Variants in RSPH9 observed in about 807,000 individuals in gnomAD.
The protein encoded by RSPH9 is radial spoke head component 9.
Under a neutral mutation model 27.0 loss-of-function variants are expected in RSPH9, and 27 were observed. The ratio of observed to expected loss-of-function variants is 1.00; its 90% CI spans 0.74 to 1.38. The LOEUF is 1.38. RSPH9 is among the 40% of genes most tolerant of loss of function. The pLI is 0.00. For synonymous variants in RSPH9, 145 were observed against 147.7 expected, an observed-to-expected ratio of 0.98 and a Z score of 0.13; for missense variants, 347 against 357.4, an observed-to-expected ratio of 0.97 and a Z score of 0.24.
chr6:43,666,738 G>C (rs547771170), intron 4 of RSPH9, among the ~76,000 whole-genome samples: 1 of 152,296 alleles, frequency 6.6e-6, no homozygotes, highest in South Asian at 2.1e-4. Flanking sequence ...TTGGGCTGCA[G>C]CCAGGTGGCA....
rs1770707685 is a variant in RSPH9, at chr6:43,645,137, G to A, written c.39G>A (p.Ala13=). 6.2e-7 allele frequency: 1 copy of A among 1,613,102 alleles called. No homozygotes were observed. The highest frequency in any genetic ancestry group is 8.5e-7 in the Non-Finnish European group (1 of 1,180,004). The change falls in exon 1 of 5, where the codon GCG becomes GCA. Residue 13 remains alanine (A), a synonymous_variant. Coordinates refer to ENST00000372163, the MANE Select transcript of RSPH9 (RefSeq NM_152732.5). Reference sequence around the variant, plus strand: ...GCCTCCTGCTGTCTCTGGAGCTGGCGTCCGGCAGTGGGCAGGGCCTCAGCC... The same window carrying A: ...GCCTCCTGCTGTCTCTGGAGCTGGCATCCGGCAGTGGGCAGGGCCTCAGCC... ...ADSLLLSLEL[A]SGSGQGLSPD... is the part of the protein sequence containing the mutation.
At position 43,672,458 on chromosome 6, in the gene RSPH9, G is replaced by T. The variant is rs1051794954; in HGVS notation, c.*1509G>T. 2 of 470,138 alleles carry T rather than the reference G, an allele frequency of 4.3e-6. No individual in the cohort carries two copies. The highest frequency in any genetic ancestry group is 3.1e-5 in the South Asian group (2 of 64,530). 29.1% of individuals were successfully genotyped at this position (470,138 alleles called of 1,614,324 possible). On this transcript the variant is annotated 3_prime_UTR_variant, in exon 5 of 5. Coordinates refer to ENST00000372163, the MANE Select transcript of RSPH9 (RefSeq NM_152732.5). The stretch of plus-strand genomic sequence containing the variant: ...CTAGGAAGGTTCCTGTAAATAGGAG[G>T]GGGGTGGGGAAAGATGGCTGCCGCC...
intron 2 of RSPH9, among the ~76,000 whole-genome samples, chr6:43,651,427 TAATA>T (rs1459081287): frequency 6.6e-6 from 1 of 152,286 alleles, no homozygotes; most frequent in Admixed American, 6.5e-5. Flanking sequence ...TTTCACAAAA[TAATA>T]AATCCGCATG....
intron 4 of RSPH9, among the ~76,000 whole-genome samples, chr6:43,659,531 C>G (rs1294581608): frequency 6.7e-6 from 1 of 148,724 alleles, no homozygotes; most frequent in East Asian, 2.0e-4. Context: ...TACAGGCGCC[C>G]GCCGCCACGG....
Position 43,672,002 on chromosome 6 carries a change from G to T in RSPH9, c.*1053G>T. ...TACCTCCTCAGGCCAGGCCACGGTT[G>T]GGCAAGCAAATCCTTTCACCAGTTT... is the stretch of plus-strand genomic sequence containing the variant. On this transcript the variant is annotated 3_prime_UTR_variant, in exon 5 of 5. Coordinates refer to ENST00000372163, the MANE Select transcript of RSPH9 (RefSeq NM_152732.5). The T allele has an allele frequency of 2.9e-6, 4 of 1,371,120 alleles. No homozygotes were observed. The highest frequency in any genetic ancestry group is 3.9e-6 in the Non-Finnish European group (4 of 1,030,162). The allele number at this position is 1,371,120 out of a possible 1,614,324, so 84.9% of individuals were successfully genotyped here. A position where few individuals can be genotyped will look rare whatever the true frequency, so the allele number is the denominator to read the frequency against.
At chr6:43,645,456 G>A (rs1250748271) in intron 1 of RSPH9, 131 bp downstream of exon 1, 3 of 811,976 alleles carry the variant, frequency 3.7e-6, no homozygotes, top group African/African-American at 1.7e-5. Context: ...TCTGAGATGA[G>A]TGGAATGGGG....
Position 43,671,921 on chromosome 6 carries a change from CAA to C in RSPH9, c.*974_*975del. 5.7e-6 allele frequency: 9 copies of C among 1,583,694 alleles called. No homozygotes were observed. Among genetic ancestry groups the C allele is most frequent in the Non-Finnish European group, 6.9e-6 (8 of 1,163,874 alleles). ...GCGTCAGGTACCTGTGGAGGGAGAA[CAA>C]AGAGGTGCCTGTGAGGGCTGGGGGC... On this transcript the variant is annotated 3_prime_UTR_variant, in exon 5 of 5. Transcript: ENST00000372163.
At chr6:43,645,391 G>GGGGGGGGGGGGGGGGGGCC in intron 1 of RSPH9, 66 bp downstream of exon 1, 1 of 400,202 alleles carries the variant, frequency 2.5e-6, no homozygotes, top group Non-Finnish European at 5.0e-6. Flanking sequence ...GGGTGGGCGG[G>GGGGGGGGGGGGGGGGGGCC]TCGCAGCAAT....
At position 43,671,716 on chromosome 6, in the gene RSPH9, C is replaced by T; in HGVS notation, c.*767C>T. The T allele has an allele frequency of 6.2e-7, 1 of 1,611,910 alleles. No individual in the cohort carries two copies. The highest frequency in any genetic ancestry group is 8.5e-7 in the Non-Finnish European group (1 of 1,178,418). ...CAAGGGCTTGTGAGTGGGCCTCCTA[C>T]TCCCCAGCACAGGTGCAGGAGGAAC... On this transcript the variant is annotated 3_prime_UTR_variant, in exon 5 of 5. Coordinates refer to ENST00000372163, the MANE Select transcript of RSPH9 (RefSeq NM_152732.5).
chr6:43,665,823 CTTTT>C (rs529992310), intron 4 of RSPH9, among the ~76,000 whole-genome samples: 5 of 148,564 alleles, frequency 3.4e-5, no homozygotes, highest in Admixed American at 1.3e-4. Context: ...TTCTTTCTTT[CTTTT>C]TTTTTTAATT....
intron 4 of RSPH9, among the ~76,000 whole-genome samples, chr6:43,665,003 T>A (rs1213822619): frequency 6.6e-6 from 1 of 152,212 alleles, no homozygotes; most frequent in Non-Finnish European, 1.5e-5. Context: ...ATTCAGGGTG[T>A]GTCTGGCAAG....
Position 43,671,537 on chromosome 6 carries a change from C to T in RSPH9, c.*588C>T. On this transcript the variant is annotated 3_prime_UTR_variant, in exon 5 of 5. Coordinates refer to ENST00000372163, the MANE Select transcript of RSPH9 (RefSeq NM_152732.5). The stretch of plus-strand genomic sequence containing the variant: ...GAGCATGGCCTAAGCCCCATAGCAG[C>T]TGGCAAGGGACCCAACTGCCCTGCC... The T allele has an allele frequency of 1.7e-6, 1 of 587,084 alleles. No individual in the cohort carries two copies. The highest frequency in any genetic ancestry group is 2.0e-5 in the South Asian group (1 of 50,424). The allele number at this position is 587,084 out of a possible 1,614,324, so 36.4% of individuals were successfully genotyped here.
At chr6:43,669,342 T>A (rs1385983260) in intron 4 of RSPH9, among the ~76,000 whole-genome samples, 1 of 152,208 alleles carries the variant, frequency 6.6e-6, no homozygotes, top group Non-Finnish European at 1.5e-5. Flanking sequence ...CAGAAAACTT[T>A]GGTTTTGACC....
intron 1 of RSPH9, among the ~76,000 whole-genome samples, chr6:43,649,166 GT>G (rs939701421): frequency 6.0e-5 from 9 of 151,156 alleles, no homozygotes; most frequent in Non-Finnish European, 7.4e-5. Flanking sequence ...AGGCTGAGCA[GT>G]TTTTTTTTGT....
rs748406015 is a variant in RSPH9 at position 43,671,214 on chromosome 6, A to G, written c.*265A>G. 1 of 572,820 alleles carries G rather than the reference A, an allele frequency of 1.7e-6. No homozygotes were observed. Among genetic ancestry groups the G allele is most frequent in the Non-Finnish European group, 3.1e-6 (1 of 321,840 alleles). The allele number at this position is 572,820 out of a possible 1,614,324, so 35.5% of individuals were successfully genotyped here. ...CAACCAGGGCCCCTTTGAGGAACGCAGTTTCTTGGATTCACACGAGAGCGG... is the reference window on the plus strand; with the variant it reads ...CAACCAGGGCCCCTTTGAGGAACGCGGTTTCTTGGATTCACACGAGAGCGG... On this transcript the variant is annotated 3_prime_UTR_variant, in exon 5 of 5. Coordinates refer to ENST00000372163, the MANE Select transcript of RSPH9 (RefSeq NM_152732.5).
intron 4 of RSPH9, 142 bp from the exon 5 acceptor site, chr6:43,670,647 C>A: frequency 1.5e-6 from 1 of 657,548 alleles, no homozygotes; most frequent in African/African-American, 1.8e-5. Context: ...GGGAGTAAAG[C>A]ATCTGGAGAA....
chr6:43,646,800 C>T (rs762093787), intron 1 of RSPH9, among the ~76,000 whole-genome samples: 2 of 150,990 alleles, frequency 1.3e-5, no homozygotes, highest in Non-Finnish European at 3.0e-5. Context: ...ACTGAAAATA[C>T]GAAAAATTAG....
chr6:43,652,429 CT>C (rs1178544653), intron 2 of RSPH9, among the ~76,000 whole-genome samples: 243 of 142,478 alleles, frequency 1.7e-3, no homozygotes, highest in Middle Eastern at 3.6e-3. Flanking sequence ...CCTTCCCATT[CT>C]TTTTTTTTTT....
chr6:43,651,041 C>T (rs1001652349), intron 2 of RSPH9, among the ~76,000 whole-genome samples: 3 of 151,644 alleles, frequency 2.0e-5, no homozygotes, highest in African/African-American at 4.8e-5. Flanking sequence ...ATAATCCTTC[C>T]GCCTCAGCCT....
Sources: allele counts gnomAD v4.1 joint callset (sites outside exome capture counted in the v4.1 genomes callset), GRCh38; gene constraint gnomAD v4.1.1; transcripts MANE v1.5; gene names NCBI Gene and HGNC (gene_info 2026-07-23, HGNC 2026-07-21).